COL6A5: variants seen among roughly 807,000 people sequenced by gnomAD.
The protein encoded by COL6A5 is collagen type VI alpha 5 chain.
In COL6A5, 48 loss-of-function variants were observed where a neutral mutation model predicts 65.6. The observed-to-expected ratio is 0.73, with a 90% CI of 0.58 to 0.93. The LOEUF is 0.93. COL6A5 is among the 40% of genes least tolerant of loss of function. The pLI, the probability that COL6A5 is intolerant of heterozygous loss-of-function variation, is 0.00. For synonymous variants in COL6A5, 291 were observed against 322.8 expected, an observed-to-expected ratio of 0.90 and a Z score of 1.05; for missense variants, 914 against 928.3, an observed-to-expected ratio of 0.98 and a Z score of 0.20.
chr3:130,394,631 T>C (rs1312836443), intron 7 of COL6A5, among the ~76,000 whole-genome samples: 1 of 152,198 alleles, frequency 6.6e-6, no homozygotes, highest in Non-Finnish European at 1.5e-5. Context: ...ACTTCTTACT[T>C]TCTTTCTCTG....
chr3:130,446,168 A>G (rs981773436), intron 4 of COL6A5, among the ~76,000 whole-genome samples: 2 of 152,272 alleles, frequency 1.3e-5, no homozygotes, highest in East Asian at 1.9e-4. Context: ...CCATGGTAAC[A>G]TTAAATGCAG....
At chr3:130,401,732 A>G in intron 11 of COL6A5, 30 bp from the exon 12 acceptor site, 5 of 1,425,590 alleles carry the variant, frequency 3.5e-6, no homozygotes, top group Non-Finnish European at 4.8e-6. Context: ...GACAATTGCT[A>G]TTCCCTCAGC....
intron 4 of COL6A5, among the ~76,000 whole-genome samples, chr3:130,383,073 C>T (rs1305064610): frequency 6.6e-6 from 1 of 152,036 alleles, no homozygotes; most frequent in Non-Finnish European, 1.5e-5. Flanking sequence ...AAATCAAATA[C>T]ATACATCTAT....
At chr3:130,451,447 G>A (rs1198477144) in intron 4 of COL6A5, among the ~76,000 whole-genome samples, 1 of 152,122 alleles carries the variant, frequency 6.6e-6, no homozygotes, top group Non-Finnish European at 1.5e-5. Context: ...GTACAGAGAA[G>A]CAGGCTGAGT....
At chr3:130,363,247 C>G (rs1431333059) in intron 1 of COL6A5, among the ~76,000 whole-genome samples, 10 of 152,198 alleles carry the variant, frequency 6.6e-5, no homozygotes, top group Admixed American at 6.5e-4. Context: ...TATCACTATA[C>G]TGCTTCACAG....
At chr3:130,373,577 A>C in intron 1 of COL6A5, 34 bp from the exon 2 acceptor site, 2 of 1,016,478 alleles carry the variant, frequency 2.0e-6, no homozygotes, top group South Asian at 1.5e-5. Context: ...TATAAAATAA[A>C]ATTTTTCATA....
chr3:130,366,252 G>A (rs1935338001), intron 1 of COL6A5, among the ~76,000 whole-genome samples: 1 of 152,160 alleles, frequency 6.6e-6, no homozygotes, highest in Non-Finnish European at 1.5e-5. Flanking sequence ...AAGCTTATGG[G>A]TTAGATACTT....
intron 5 of COL6A5, among the ~76,000 whole-genome samples, chr3:130,464,224 T>C (rs1709764589): frequency 6.6e-6 from 1 of 152,048 alleles, no homozygotes; most frequent in Non-Finnish European, 1.5e-5. Context: ...CTGAAACTCC[T>C]GGGTTCAAGC....
chr3:130,478,570 C>G (rs1360650713), intron 7 of COL6A5, among the ~76,000 whole-genome samples: 1 of 152,022 alleles, frequency 6.6e-6, no homozygotes, highest in African/African-American at 2.4e-5. Flanking sequence ...TTCTGCATCC[C>G]CTTTTAAAAA....
chr3:130,431,782 A>G, exon 1 of COL6A5: 1 of 1,551,610 alleles, frequency 6.4e-7, no homozygotes. Context: ...CAACGTGTTC[A>G]AGCGGACGTA....
intron 7 of COL6A5, among the ~76,000 whole-genome samples, chr3:130,481,007 TC>T (rs1710224890): frequency 6.6e-6 from 1 of 151,986 alleles, no homozygotes; most frequent in South Asian, 2.1e-4. Context: ...TGCAGAGATT[TC>T]CTGAGCTGAG....
upstream of COL6A5, chr3:130,431,191 C>G: frequency 1.5e-6 from 1 of 677,930 alleles, no homozygotes; most frequent in South Asian, 1.5e-5. Flanking sequence ...CAAGAACTCC[C>G]ACCAATTTCA....
At chr3:130,448,808 C>G (rs1282767263) in intron 4 of COL6A5, among the ~76,000 whole-genome samples, 1 of 152,142 alleles carries the variant, frequency 6.6e-6, no homozygotes, top group African/African-American at 2.4e-5. Context: ...GAGCTGCAGG[C>G]TCCTGATTAT....
chr3:130,421,025 G>A, intron 25 of COL6A5, 128 bp from the exon 26 acceptor site: 1 of 763,336 alleles, frequency 1.3e-6, no homozygotes, highest in Non-Finnish European at 2.2e-6. Flanking sequence ...AGGGTTCAAG[G>A]TCACCAATTA....
At chr3:130,384,973 A>G (rs773385907) in exon 5 of COL6A5, 71 of 1,550,906 alleles carry the variant, frequency 4.6e-5, no homozygotes, top group Middle Eastern at 3.3e-4. Flanking sequence ...CAGATGACAC[A>G]GAAGTGGAAT....
At chr3:130,357,684 G>T (rs1228464735) in intron 1 of COL6A5, among the ~76,000 whole-genome samples, 2 of 152,126 alleles carry the variant, frequency 1.3e-5, no homozygotes, top group Non-Finnish European at 2.9e-5. Context: ...TGTAAATAAA[G>T]TTCAATATAT....
chr3:130,472,861 A>G (rs1378320675), intron 7 of COL6A5, among the ~76,000 whole-genome samples: 3 of 144,244 alleles, frequency 2.1e-5, no homozygotes, highest in Admixed American at 7.0e-5. Context: ...ATATATATAC[A>G]CATTTATAAA....
intron 5 of COL6A5, among the ~76,000 whole-genome samples, chr3:130,467,322 C>A (rs189164595): frequency 2.8e-4 from 43 of 151,984 alleles, no homozygotes; most frequent in African/African-American, 1.0e-3. Flanking sequence ...GGAATAAGAT[C>A]TAGTGTTCTC....
In COL6A5 at chr3:130,397,927, T is replaced by C; in HGVS notation, c.3909+4T>C. The C allele has an allele frequency of 6.5e-7, 1 of 1,549,764 alleles. No individual in the cohort carries two copies. Among genetic ancestry groups the C allele is most frequent in the Non-Finnish European group, 8.7e-7 (1 of 1,145,316 alleles). ...TAAATCTGCATCCCGGGGCCAGGTATCCATATTACATTCTATCTCCCATCT... is the reference window on the plus strand; with the variant it reads ...TAAATCTGCATCCCGGGGCCAGGTACCCATATTACATTCTATCTCCCATCT... On this transcript the variant is annotated splice_donor_region_variant and intron_variant and NMD_transcript_variant, in intron 9 of 41. Transcript: ENST00000312481.
Sources: gnomAD v4.1 joint callset for allele counts (sites outside exome capture counted in the v4.1 genomes callset) on GRCh38, gnomAD v4.1.1 for gene constraint, MANE v1.5 for transcripts, NCBI Gene and HGNC (gene_info 2026-07-23, HGNC 2026-07-21) for gene names.